POGLUT2: variants seen among roughly 807,000 people sequenced by gnomAD.
POGLUT2 encodes protein O-glucosyltransferase 2.
Under a neutral mutation model 57.6 loss-of-function variants are expected in POGLUT2, and 47 were observed. The ratio of observed to expected loss-of-function variants is 0.82; its 90% confidence interval spans 0.65 to 1.04. POGLUT2 has a LOEUF of 1.04. POGLUT2 is among the 50% of genes least tolerant of loss of function. The probability of loss-of-function intolerance (pLI) is 0.00; values close to 1 mark genes in which losing one functional copy is unlikely to be tolerated. For missense variants in POGLUT2, 565 were observed against 614.8 expected (o/e 0.92, Z 0.86); for synonymous variants, 200 against 218.8 (o/e 0.91, Z 0.76).
chr13:102,786,613 A>C (rs1008145116), intron 8 of POGLUT2, among the ~76,000 whole-genome samples: 1 of 151,990 alleles, frequency 6.6e-6, no homozygotes, highest in East Asian at 1.9e-4. Flanking sequence ...TCTGCCTCAC[A>C]GTAAAAATAA....
At chr13:102,787,368 G>A (rs1458074173) in intron 8 of POGLUT2, among the ~76,000 whole-genome samples, 12 of 152,126 alleles carry the variant, frequency 7.9e-5, no homozygotes, top group Non-Finnish European at 1.6e-4. Flanking sequence ...TTTTAAAAGA[G>A]TCCTTTAAAT....
At chr13:102,797,206 G>A (rs1247299149) in intron 1 of POGLUT2, among the ~76,000 whole-genome samples, 197 bp from the exon 2 acceptor site, 1 of 152,102 alleles carries the variant, frequency 6.6e-6, no homozygotes, top group Non-Finnish European at 1.5e-5. Flanking sequence ...GGATGACAAT[G>A]GCCAAGATAA....
intron 6 of POGLUT2, 66 bp from the exon 7 acceptor site, chr13:102,789,287 C>T (rs1321289212): frequency 4.5e-6 from 6 of 1,323,586 alleles, no homozygotes; most frequent in African/African-American, 2.9e-5. Context: ...TATTCTCCTT[C>T]CCATCCCACA....
At chr13:102,793,163 T>C in intron 4 of POGLUT2, 178 bp downstream of exon 4, 1 of 546,042 alleles carries the variant, frequency 1.8e-6, no homozygotes, top group Non-Finnish European at 3.3e-6. Context: ...AGCACTTTGT[T>C]ACGGCAGCCC....
intron 9 of POGLUT2, 129 bp from the exon 10 acceptor site, chr13:102,784,641 T>G (rs1029944647): frequency 3.2e-6 from 2 of 629,936 alleles, no homozygotes; most frequent in Non-Finnish European, 5.8e-6. Context: ...CTTTTAGGGC[T>G]TGGGACTATT....
At chr13:102,792,952 T>G (rs891041300) in intron 4 of POGLUT2, among the ~76,000 whole-genome samples, 3 of 152,150 alleles carry the variant, frequency 2.0e-5, no homozygotes, top group African/African-American at 7.2e-5. Flanking sequence ...ATTTTTGTAT[T>G]TTTTGTAGAG....
At chr13:102,792,804 G>C (rs878913352) in intron 4 of POGLUT2, among the ~76,000 whole-genome samples, 1 of 151,424 alleles carries the variant, frequency 6.6e-6, no homozygotes, top group African/African-American at 2.4e-5. Context: ...ATTTTTTTTG[G>C]GGGGGGACAG....
chr13:102,792,878 G>A lies in POGLUT2; in HGVS notation c.672+463C>T, dbSNP rs544024855. On this transcript the variant is annotated intron_variant, in intron 4 of 9. Transcript: ENST00000376004. ...GCGTGATCTCGGCTCATGCAGCCTCGACCTCCTAGGTTCAAGCGATCTTCC... is the reference window on the plus strand; with the variant it reads ...GCGTGATCTCGGCTCATGCAGCCTCAACCTCCTAGGTTCAAGCGATCTTCC... Among the ~76,000 whole-genome samples the A allele has an allele frequency of 2.2e-3, 340 of 152,088 alleles. 1 individual carries two copies. The highest frequency in any genetic ancestry group is 4.2e-3 in the Non-Finnish European group (285 of 67,966).
At chr13:102,796,281 G>A (rs1444713386) in intron 2 of POGLUT2, among the ~76,000 whole-genome samples, 2 of 135,300 alleles carry the variant, frequency 1.5e-5, no homozygotes, top group Non-Finnish European at 3.1e-5. Context: ...GTGACAGAGC[G>A]AGACTCTGCC....
chr13:102,785,848 T>C (rs1877920666), intron 9 of POGLUT2, among the ~76,000 whole-genome samples: 2 of 152,218 alleles, frequency 1.3e-5, no homozygotes, highest in Admixed American at 1.3e-4. Context: ...CGTGGTTACA[T>C]ATTTTTCCTT....
At chr13:102,793,449 G>T in intron 3 of POGLUT2, 31 bp from the exon 4 acceptor site, 1 of 1,422,692 alleles carries the variant, frequency 7.0e-7, no homozygotes, top group Non-Finnish European at 9.9e-7. Context: ...TATTATGTTA[G>T]TCTAAAGACG....
chr13:102,790,961 T>A lies in POGLUT2; in HGVS notation c.1023A>T (p.Lys341Asn). 1 of 1,614,092 alleles carries A rather than the reference T, an allele frequency of 6.2e-7. No homozygotes were observed. The highest frequency in any genetic ancestry group is 8.5e-7 in the Non-Finnish European group (1 of 1,179,942). The stretch of plus-strand genomic sequence containing the variant: ...TGGGACCATACAGGTTTTCATCGTG[T>A]TTAAAGAAGAAAAAGTTGGTGAAAG... ...DAAFTNFFFFKHDENLYGPIV... is the reference protein window; with the variant it reads ...DAAFTNFFFFNHDENLYGPIV... Residue 341 changes from lysine to asparagine, a missense_variant, in exon 6 of 10, where the codon AAA becomes AAT. Physicochemically the swap from Lys to Asn is moderately conservative, Grantham distance 94. Coordinates refer to ENST00000376004, the MANE Select transcript of POGLUT2 (RefSeq NM_024089.3).
chr13:102,784,581 G>T, intron 9 of POGLUT2, 69 bp from the exon 10 acceptor site: 1 of 936,196 alleles, frequency 1.1e-6, no homozygotes, highest in Non-Finnish European at 1.7e-6. Context: ...ACTTACATTC[G>T]TTAATTATTT....
At chr13:102,793,152 T>C (rs965973342) in intron 4 of POGLUT2, 189 bp downstream of exon 4, 4 of 537,602 alleles carry the variant, frequency 7.4e-6, no homozygotes, top group African/African-American at 5.7e-5. Context: ...TTCCAGTTTG[T>C]AGCACTTTGT....
Position 102,791,278 on chromosome 13 carries a change from A to G in POGLUT2, c.825T>C (p.Ser275=). The change falls in exon 5 of 10, where the codon TCT becomes TCC. Residue 275 remains serine (S), a synonymous_variant. Transcript: ENST00000376004. ...IVMPTYDLTD[S]VLETMGRVSL... ...CTCACCGGCCCATGGTTTCCAGAAC[A>G]GAATCAGTCAAATCGTACGTAGGCA... 2 of 1,605,878 alleles carry G rather than the reference A, an allele frequency of 1.2e-6. No homozygotes were observed. The highest frequency in any genetic ancestry group is 3.5e-5 in the Admixed American group (2 of 57,660).
intron 1 of POGLUT2, among the ~76,000 whole-genome samples, 184 bp downstream of exon 1, chr13:102,798,300 TATACA>T (rs1274752707): frequency 3.3e-5 from 5 of 152,244 alleles, no homozygotes; most frequent in Admixed American, 2.6e-4. Flanking sequence ...TTATATGTTA[TATACA>T]ATACATTATA....
chr13:102,791,258 C>T lies in POGLUT2; in HGVS notation c.845G>A (p.Arg282Gln), dbSNP rs776372023. ...GGGCCAACCCTGACTTATCTCTCACCGGCCCATGGTTTCCAGAACAGAATC... is the reference window on the plus strand; with the variant it reads ...GGGCCAACCCTGACTTATCTCTCACTGGCCCATGGTTTCCAGAACAGAATC... Reference protein sequence around the residue: ...LTDSVLETMGRVSLDMMSVQA... With the variant: ...LTDSVLETMGQVSLDMMSVQA... Residue 282 changes from arginine (R) to glutamine (Q), a missense_variant and splice_region_variant, in exon 5 of 10, where the codon CGG (arginine) becomes CAG (glutamine). Coordinates refer to ENST00000376004, the MANE Select transcript of POGLUT2 (RefSeq NM_024089.3). 10 of 1,601,104 alleles carry T rather than the reference C, an allele frequency of 6.2e-6. No homozygotes were observed. Among genetic ancestry groups the T allele is most frequent in the Admixed American group, 3.5e-5 (2 of 56,914 alleles).
In POGLUT2 at chr13:102,798,682, A is replaced by G. The variant is rs1432414718; in HGVS notation, c.-12T>C. On this transcript the variant is annotated 5_prime_UTR_variant, in exon 1 of 10. Coordinates refer to ENST00000376004, the MANE Select transcript of POGLUT2 (RefSeq NM_024089.3). ...AAAGTGCCAAACATTTACAAGACGGACTCTCGAAATGATCCACCGATAAAT... is the reference window on the plus strand; with the variant it reads ...AAAGTGCCAAACATTTACAAGACGGGCTCTCGAAATGATCCACCGATAAAT... 6.4e-6 allele frequency: 10 copies of G among 1,569,878 alleles called. No individual in the cohort carries two copies. Among genetic ancestry groups the G allele is most frequent in the Non-Finnish European group, 8.7e-6 (10 of 1,155,266 alleles).
intron 2 of POGLUT2, among the ~76,000 whole-genome samples, chr13:102,795,250 C>CAAA (rs58015405): frequency 5.6e-4 from 24 of 42,514 alleles, no homozygotes; most frequent in Middle Eastern, 0.014. Flanking sequence ...GACATCGTCT[C>CAAA]AAAAAAAAAA....
Sources: allele counts gnomAD v4.1 joint callset (sites outside exome capture counted in the v4.1 genomes callset), GRCh38; gene constraint gnomAD v4.1.1; transcripts MANE v1.5; gene names NCBI Gene and HGNC (gene_info 2026-07-23, HGNC 2026-07-21).